PLXNC1: variants seen among roughly 807,000 people sequenced by gnomAD.
The protein encoded by PLXNC1 is plexin C1.
A neutral mutation model predicts 178.2 loss-of-function variants in PLXNC1; 75 were observed. The observed-to-expected ratio is 0.42, with a 90% CI of 0.35 to 0.51. PLXNC1 has a LOEUF of 0.51. Among genes scored for constraint, PLXNC1 ranks in the 20% least tolerant of loss-of-function variants. The pLI, the probability that PLXNC1 is intolerant of heterozygous loss-of-function variation, is 0.02. For synonymous variants in PLXNC1, 790 were observed against 779.9 expected (o/e 1.01, Z -0.22); for missense variants, 1,503 against 1,984.4 (o/e 0.76, Z 4.61).
intron 4 of PLXNC1, among the ~76,000 whole-genome samples, chr12:94,190,142 C>T (rs1962669053): frequency 6.6e-6 from 1 of 151,950 alleles, no homozygotes; most frequent in Admixed American, 6.6e-5. Flanking sequence ...GCTGTGGCCT[C>T]GAAGGAGAGC....
Position 94,302,770 on chromosome 12 carries a change from T to C in PLXNC1, c.4387-986T>C, listed in dbSNP as rs374177099. Among the ~76,000 whole-genome samples the C allele has an allele frequency of 5.3e-5, 8 of 152,246 alleles. No homozygotes were observed. In the East Asian group the frequency reaches 1.2e-3, roughly 22 times the overall value. On this transcript the variant is annotated intron_variant, in intron 28 of 30. Transcript: ENST00000258526. ...GTCAACTACTGCTGCTAATTATTTG[T>C]ATCATAGTAAGCACTTCATAAATCT...
Position 94,305,499 on chromosome 12 carries a change from G to C in PLXNC1, c.*214G>C. 1 of 469,624 alleles carries C rather than the reference G, an allele frequency of 2.1e-6. No homozygotes were observed. The highest frequency in any genetic ancestry group is 3.8e-6 in the Non-Finnish European group (1 of 263,240). 29.1% of individuals were successfully genotyped at this position (469,624 alleles called of 1,614,324 possible). A position where few individuals can be genotyped will look rare whatever the true frequency, so the allele number is the denominator to read the frequency against. On this transcript the variant is annotated 3_prime_UTR_variant, in exon 31 of 31. Coordinates refer to ENST00000258526, the MANE Select transcript of PLXNC1 (RefSeq NM_005761.3). ...TACCGTGGGAACCCTTCTGTAAATAGAGTTGAAGTGGTTGTTGCAAACAGC... is the reference window on the plus strand; with the variant it reads ...TACCGTGGGAACCCTTCTGTAAATACAGTTGAAGTGGTTGTTGCAAACAGC...
intron 1 of PLXNC1, among the ~76,000 whole-genome samples, chr12:94,157,101 G>A (rs932578486): frequency 6.6e-6 from 1 of 152,190 alleles, no homozygotes; most frequent in Non-Finnish European, 1.5e-5. Context: ...GAGAGATAGA[G>A]TTGAGTCCAG....
At chr12:94,268,681 G>A (rs1337170181) in intron 21 of PLXNC1, among the ~76,000 whole-genome samples, 2 of 137,100 alleles carry the variant, frequency 1.5e-5, no homozygotes, top group African/African-American at 5.5e-5. Flanking sequence ...TGCAACCTCC[G>A]CCTCTGGGGT....
chr12:94,220,219 T>C, intron 6 of PLXNC1, 56 bp downstream of exon 6: 1 of 1,556,908 alleles, frequency 6.4e-7, no homozygotes, highest in Admixed American at 1.7e-5. Context: ...CAAGGGAACC[T>C]CCTGAGTTTA....
intron 5 of PLXNC1, among the ~76,000 whole-genome samples, chr12:94,213,915 G>A (rs1963566859): frequency 6.8e-6 from 1 of 147,556 alleles, no homozygotes. Flanking sequence ...CACCCAGGCT[G>A]GAGTGCAGTG....
intron 1 of PLXNC1, among the ~76,000 whole-genome samples, chr12:94,167,336 T>A (rs987541591): frequency 6.6e-6 from 1 of 152,184 alleles, no homozygotes; most frequent in African/African-American, 2.4e-5. Context: ...ACAGTCCACA[T>A]CCATTACTTT....
chr12:94,209,508 A>G, intron 4 of PLXNC1, 82 bp from the exon 5 acceptor site: 1 of 775,390 alleles, frequency 1.3e-6, no homozygotes, highest in Non-Finnish European at 2.3e-6. Context: ...AGTATAAGAA[A>G]GTTTTAACTA....
chr12:94,254,195 C>T (rs1489385988), intron 15 of PLXNC1, among the ~76,000 whole-genome samples: 1 of 152,180 alleles, frequency 6.6e-6, no homozygotes, highest in African/African-American at 2.4e-5. Flanking sequence ...AATGGCAGAG[C>T]AAGGACATGA....
rs777710430 is a variant in PLXNC1, at chr12:94,226,723, T to C, written c.1893+16T>C. On this transcript the variant is annotated intron_variant, in intron 8 of 30. Transcript: ENST00000258526. ...GAGAAACCAGGTAAAGTGACATTTTTGGTATTGTAAGTCTTAACCGCCGGG... is the reference window on the plus strand; with the variant it reads ...GAGAAACCAGGTAAAGTGACATTTTCGGTATTGTAAGTCTTAACCGCCGGG... 35 of 1,580,068 alleles carry C rather than the reference T, an allele frequency of 2.2e-5. No individual in the cohort carries two copies. The highest frequency in any genetic ancestry group is 3.0e-5 in the Non-Finnish European group (34 of 1,149,460).
intron 21 of PLXNC1, among the ~76,000 whole-genome samples, chr12:94,272,562 T>A (rs1356297547): frequency 6.6e-6 from 1 of 152,172 alleles, no homozygotes; most frequent in African/African-American, 2.4e-5. Context: ...GCCATCCTAG[T>A]CACAAGATGG....
chr12:94,166,651 C>T (rs1961623731), intron 1 of PLXNC1, among the ~76,000 whole-genome samples: 1 of 151,926 alleles, frequency 6.6e-6, no homozygotes, highest in Admixed American at 6.6e-5. Context: ...CCCCTAACAG[C>T]ATTAAATTAA....
At chr12:94,181,681 T>A in intron 3 of PLXNC1, 101 bp downstream of exon 3, 2 of 1,036,332 alleles carry the variant, frequency 1.9e-6, no homozygotes, top group South Asian at 1.4e-5. Context: ...CTACAGAGTT[T>A]AAGCAGTGCC....
At chr12:94,153,929 GTCT>G (rs911749647) in intron 1 of PLXNC1, among the ~76,000 whole-genome samples, 1 of 152,130 alleles carries the variant, frequency 6.6e-6, no homozygotes, top group African/African-American at 2.4e-5. Flanking sequence ...AAAATCCGCA[GTCT>G]TCTTGTGATG....
At chr12:94,282,900 C>G (rs535200511) in intron 23 of PLXNC1, 1 of 154,684 alleles carries the variant, frequency 6.5e-6, no homozygotes, top group African/African-American at 2.4e-5. Flanking sequence ...AACCCACATA[C>G]TGGGTGAGTG....
intron 9 of PLXNC1, among the ~76,000 whole-genome samples, chr12:94,229,640 T>G (rs1238962583): frequency 1.3e-5 from 2 of 152,216 alleles, no homozygotes; most frequent in Non-Finnish European, 2.9e-5. Context: ...CCAACATCAT[T>G]TGTTGAAAAA....
intron 1 of PLXNC1, among the ~76,000 whole-genome samples, chr12:94,167,445 C>T (rs1961657773): frequency 1.3e-5 from 2 of 152,178 alleles, no homozygotes. Flanking sequence ...CTATTCTCCG[C>T]GTTAGCCTCT....
intron 23 of PLXNC1, among the ~76,000 whole-genome samples, chr12:94,293,628 CTCT>C (rs1967593098): frequency 6.6e-6 from 1 of 152,080 alleles, no homozygotes; most frequent in Admixed American, 6.5e-5. Context: ...CCTTTTCCTC[CTCT>C]GTTTAGAGAC....
Position 94,244,903 on chromosome 12 carries a change from C to T in PLXNC1, c.2388+878C>T, listed in dbSNP as rs555359586. On this transcript the variant is annotated intron_variant, in intron 12 of 30. Transcript: ENST00000258526. The stretch of plus-strand genomic sequence containing the variant: ...GTACTTGCACACACTTCTAAATATC[C>T]TTCCCCATTCTTTCTTCCCCTTTTT... Among the ~76,000 whole-genome samples, 11 of 152,312 alleles carry T rather than the reference C, an allele frequency of 7.2e-5. No individual in the cohort carries two copies. In the South Asian group the frequency reaches 2.1e-3, roughly 29 times the overall value.
Sources: allele counts gnomAD v4.1 joint callset (sites outside exome capture counted in the v4.1 genomes callset), GRCh38; gene constraint gnomAD v4.1.1; transcripts MANE v1.5; gene names NCBI Gene and HGNC (gene_info 2026-07-23, HGNC 2026-07-21).